Variants in STXBP6 observed in about 807,000 individuals in gnomAD.
STXBP6 encodes the protein syntaxin-binding protein 6.
Under a neutral mutation model 26.9 loss-of-function variants are expected in STXBP6, and 21 were observed. That is an observed-to-expected ratio of 0.78 (90% CI 0.55 to 1.12). The LOEUF (loss-of-function observed/expected upper bound fraction) is 1.12, where lower values mean the gene tolerates loss of function less well. STXBP6 is among the 50% of genes most tolerant of loss of function. The probability of loss-of-function intolerance (pLI) is 0.00; values close to 1 mark genes in which losing one functional copy is unlikely to be tolerated. For missense variants in STXBP6, 232 were observed against 257.9 expected (o/e 0.90, Z 0.69); for synonymous variants, 97 against 92.6 (o/e 1.05, Z -0.27).
chr14:25,049,610 C>A lies in STXBP6; in HGVS notation c.-33+268G>T. The A allele has an allele frequency of 1.0e-6, 1 of 985,434 alleles. No homozygotes were observed. The highest frequency in any genetic ancestry group is 1.2e-6 in the Non-Finnish European group (1 of 829,938). The allele number at this position is 985,434 out of a possible 1,614,324, so 61.0% of individuals were successfully genotyped here. A position where few individuals can be genotyped will look rare whatever the true frequency, so the allele number is the denominator to read the frequency against. ...CCGTTCTGCGGCTTGCCCAATACTG[C>A]CCGCACAACGGGTCCCAGGGTTGGA... is the stretch of plus-strand genomic sequence containing the variant. On this transcript the variant is annotated intron_variant, in intron 1 of 5. Transcript: ENST00000323944. This position sits in a 1 kb window ranked among gnomAD's most constrained non-coding sequence, Gnocchi z 5.6.
chr14:24,871,803 G>GC (rs1484948878), intron 2 of STXBP6, among the ~76,000 whole-genome samples: 1 of 152,114 alleles, frequency 6.6e-6, no homozygotes, highest in Non-Finnish European at 1.5e-5. Context: ...AAATATCATT[G>GC]CCTGGGACCA....
intron 3 of STXBP6, among the ~76,000 whole-genome samples, 179 bp downstream of exon 3, chr14:24,856,848 A>G (rs770935801): frequency 1.3e-5 from 2 of 151,970 alleles, no homozygotes; most frequent in Non-Finnish European, 2.9e-5. Context: ...AAACATGATG[A>G]AAAGATTTAT....
intron 2 of STXBP6, among the ~76,000 whole-genome samples, chr14:24,939,346 A>C (rs1451123943): frequency 6.6e-6 from 1 of 152,230 alleles, no homozygotes; most frequent in Non-Finnish European, 1.5e-5. Flanking sequence ...TATATCTGTT[A>C]GGCAAGCTAA....
At chr14:24,959,836 A>C (rs1047160257) in intron 2 of STXBP6, among the ~76,000 whole-genome samples, 4 of 152,254 alleles carry the variant, frequency 2.6e-5, no homozygotes, top group African/African-American at 9.6e-5. Flanking sequence ...TGTCAGGTCC[A>C]GAAAGGAAAT....
chr14:24,983,979 T>C (rs1177455999), intron 1 of STXBP6, among the ~76,000 whole-genome samples: 1 of 152,202 alleles, frequency 6.6e-6, no homozygotes, highest in Non-Finnish European at 1.5e-5. Context: ...TTTTAAAACA[T>C]TCCTTATTCA....
chr14:24,862,900 T>C (rs2069590641), intron 2 of STXBP6, among the ~76,000 whole-genome samples: 1 of 152,182 alleles, frequency 6.6e-6, no homozygotes, highest in Non-Finnish European at 1.5e-5. Flanking sequence ...CAGGCGGTAC[T>C]AGCTGGTTTT....
intron 2 of STXBP6, among the ~76,000 whole-genome samples, chr14:24,961,401 C>A (rs1402170868): frequency 6.7e-6 from 1 of 150,148 alleles, no homozygotes; most frequent in African/African-American, 2.5e-5. Flanking sequence ...ATGCATGAAC[C>A]TCAAATAAAA....
chr14:24,894,423 G>A (rs1022146362), intron 2 of STXBP6, among the ~76,000 whole-genome samples: 1 of 152,090 alleles, frequency 6.6e-6, no homozygotes, highest in African/African-American at 2.4e-5. Context: ...TATTGGCCTG[G>A]ATTTAGGTCA....
chr14:24,947,319 C>T lies in STXBP6; in HGVS notation c.154+27346G>A, dbSNP rs575608165. 2.6e-5 allele frequency among the ~76,000 whole-genome samples: 4 copies of T among 152,218 alleles called. No homozygotes were observed. In the South Asian group the frequency reaches 6.2e-4, roughly 24 times the overall value. The stretch of plus-strand genomic sequence containing the variant: ...GAATGACAGCCATGATGGGAACAGC[C>T]CACAGAAGGGAACACAGATGGCATT... On this transcript the variant is annotated intron_variant, in intron 2 of 5. Coordinates refer to ENST00000323944, the MANE Select transcript of STXBP6 (RefSeq NM_001394410.1).
At chr14:24,898,777 T>C (rs1483672516) in intron 2 of STXBP6, among the ~76,000 whole-genome samples, 1 of 152,204 alleles carries the variant, frequency 6.6e-6, no homozygotes, top group Non-Finnish European at 1.5e-5. Flanking sequence ...ACCAAAAGCA[T>C]TCTTTTTTCT....
intron 2 of STXBP6, among the ~76,000 whole-genome samples, chr14:24,963,209 A>G (rs1485487376): frequency 6.6e-6 from 1 of 152,216 alleles, no homozygotes; most frequent in African/African-American, 2.4e-5. Context: ...TGACCTGTCC[A>G]CAAGATAGAA....
chr14:24,828,200 G>C (rs2068345760), intron 4 of STXBP6, among the ~76,000 whole-genome samples: 1 of 152,100 alleles, frequency 6.6e-6, no homozygotes, highest in Non-Finnish European at 1.5e-5. Flanking sequence ...ATTATTGCCA[G>C]ATAGCAAGGA....
chr14:24,937,240 A>G (rs993359936), intron 2 of STXBP6, among the ~76,000 whole-genome samples: 3 of 152,240 alleles, frequency 2.0e-5, no homozygotes, highest in African/African-American at 7.2e-5. Context: ...ATACCCATGT[A>G]ACAAACCTGC....
chr14:24,828,841 G>A (rs2068368277), intron 4 of STXBP6, among the ~76,000 whole-genome samples: 1 of 152,168 alleles, frequency 6.6e-6, no homozygotes, highest in African/African-American at 2.4e-5. Flanking sequence ...ATACAAGAGC[G>A]ATGCACAAGA....
intron 2 of STXBP6, among the ~76,000 whole-genome samples, chr14:24,922,474 T>C (rs1244039436): frequency 1.3e-5 from 2 of 152,132 alleles, no homozygotes; most frequent in Non-Finnish European, 2.9e-5. Context: ...TATATCTTCC[T>C]CTTGCCACAG....
intron 1 of STXBP6, among the ~76,000 whole-genome samples, chr14:25,008,877 C>T (rs528804223): frequency 3.9e-5 from 6 of 152,260 alleles, no homozygotes; most frequent in East Asian, 1.9e-4. Context: ...AATCCCAAAA[C>T]GAAGAGTCAC....
At chr14:24,854,623 T>G (rs2069263430) in intron 4 of STXBP6, among the ~76,000 whole-genome samples, 1 of 152,080 alleles carries the variant, frequency 6.6e-6, no homozygotes, top group Admixed American at 6.6e-5. Flanking sequence ...TGGCCAACTT[T>G]CCATTCACTG....
intron 2 of STXBP6, among the ~76,000 whole-genome samples, chr14:24,870,343 T>G (rs2069882758): frequency 6.6e-6 from 1 of 152,212 alleles, no homozygotes; most frequent in Admixed American, 6.5e-5. Flanking sequence ...TTTTGCATTC[T>G]TTTAATGTAC....
intron 4 of STXBP6, among the ~76,000 whole-genome samples, chr14:24,855,593 C>A (rs1363221926): frequency 6.6e-6 from 1 of 151,960 alleles, no homozygotes; most frequent in Non-Finnish European, 1.5e-5. Flanking sequence ...TGGTGTTCTG[C>A]AATGAAATTA....
Sources: allele counts gnomAD v4.1 joint callset (sites outside exome capture counted in the v4.1 genomes callset), GRCh38; gene constraint gnomAD v4.1.1; non-coding constraint Gnocchi (gnomAD v3.1); transcripts MANE v1.5; gene names NCBI Gene and HGNC (gene_info 2026-07-23, HGNC 2026-07-21).